Variants in RIMS2 observed in about 807,000 individuals in gnomAD.
The protein encoded by RIMS2 is regulating synaptic membrane exocytosis protein 2.
In RIMS2, 59 loss-of-function variants were observed where a neutral mutation model predicts 174.4. That is an observed-to-expected ratio of 0.34 (90% CI 0.27 to 0.42). RIMS2 has a LOEUF of 0.42. Ranked by LOEUF, RIMS2 falls within the 10% of genes least tolerant of loss-of-function variation. The pLI is 1.00. For synonymous variants in RIMS2, 606 were observed against 572.5 expected (o/e 1.06, Z -0.84); for missense variants, 1,620 against 1,666.3 (o/e 0.97, Z 0.48).
intron 3 of RIMS2, among the ~76,000 whole-genome samples, chr8:103,846,011 T>G (rs1035244766): frequency 6.6e-6 from 1 of 152,114 alleles, no homozygotes; most frequent in African/African-American, 2.4e-5. Flanking sequence ...ATTCTTAAAC[T>G]AGGCCTTTTG....
chr8:104,172,934 T>C (rs2098840636), intron 19 of RIMS2, among the ~76,000 whole-genome samples: 1 of 152,184 alleles, frequency 6.6e-6, no homozygotes, highest in Non-Finnish European at 1.5e-5. Flanking sequence ...GTACTCTAGC[T>C]ACGTGAATTA....
At chr8:104,234,950 G>C (rs1029393905) in intron 19 of RIMS2, among the ~76,000 whole-genome samples, 1 of 152,110 alleles carries the variant, frequency 6.6e-6, no homozygotes, top group Non-Finnish European at 1.5e-5. Flanking sequence ...CCAATTTTTC[G>C]TGTGGGTTGG....
At chr8:104,088,944 A>G (rs1353495378) in intron 19 of RIMS2, among the ~76,000 whole-genome samples, 1 of 151,960 alleles carries the variant, frequency 6.6e-6, no homozygotes, top group Non-Finnish European at 1.5e-5. Context: ...TTTCCAGGCC[A>G]CTTAGGAACT....
Position 103,793,981 on chromosome 8 carries a change from C to CA in RIMS2, c.698+27446dup, listed in dbSNP as rs1315156603. On this transcript the variant is annotated intron_variant, in intron 3 of 23. Transcript: ENST00000504942. ...TTCCATGCTCATGGATAGGAAGAAT[C>CA]AATATCGTGAAAATGGCCATACTGC... Among the ~76,000 whole-genome samples, 18 of 152,188 alleles carry CA rather than the reference C, an allele frequency of 1.2e-4. 1 individual carries two copies. The East Asian group carries it at 3.5e-3, about 29-fold the overall frequency.
At chr8:104,073,692 T>C (rs996356072) in intron 19 of RIMS2, among the ~76,000 whole-genome samples, 6 of 152,142 alleles carry the variant, frequency 3.9e-5, no homozygotes, top group African/African-American at 1.4e-4. Context: ...CAGAGGACAA[T>C]GTAATAAAAT....
chr8:103,987,254 A>G lies in RIMS2; in HGVS notation c.2928-2051A>G, dbSNP rs554319363. ...CAATCCTCTAGGCTCAGATACCGGG[A>G]CTATGTGCCTCTGTGCCCAGCTTAA... On this transcript the variant is annotated intron_variant, in intron 16 of 23. Transcript: ENST00000504942. Among the ~76,000 whole-genome samples, 6 of 152,080 alleles carry G rather than the reference A, an allele frequency of 3.9e-5. No individual in the cohort carries two copies. In the South Asian group the frequency reaches 1.2e-3, roughly 32 times the overall value.
chr8:103,585,714 A>C (rs775959305), intron 1 of RIMS2, among the ~76,000 whole-genome samples: 2 of 151,790 alleles, frequency 1.3e-5, no homozygotes, highest in Non-Finnish European at 2.9e-5. Flanking sequence ...AACGTCACAC[A>C]CTAGGGCCTG....
intron 6 of RIMS2, among the ~76,000 whole-genome samples, chr8:103,913,739 C>G (rs2076163280): frequency 6.6e-6 from 1 of 152,028 alleles, no homozygotes; most frequent in Admixed American, 6.6e-5. Flanking sequence ...ATGGCAAAAG[C>G]AGGAGCAAGA....
chr8:103,707,012 A>G (rs373081810), intron 2 of RIMS2, among the ~76,000 whole-genome samples: 4 of 152,118 alleles, frequency 2.6e-5, no homozygotes, highest in African/African-American at 7.2e-5. Flanking sequence ...CGAATTTTCA[A>G]ATAGCCTGTC....
chr8:104,014,839 T>A (rs970377298), intron 19 of RIMS2, among the ~76,000 whole-genome samples: 1 of 152,194 alleles, frequency 6.6e-6, no homozygotes, highest in Non-Finnish European at 1.5e-5. Context: ...CATTTTTAAA[T>A]TTGAATAAAT....
chr8:103,733,989 C>A (rs1186537477), intron 2 of RIMS2, among the ~76,000 whole-genome samples: 1 of 130,068 alleles, frequency 7.7e-6, no homozygotes. Context: ...ATGTGGCCAT[C>A]TTGCTTTACC....
chr8:103,880,962 TTA>T (rs1281665926), intron 3 of RIMS2, among the ~76,000 whole-genome samples: 1 of 151,486 alleles, frequency 6.6e-6, no homozygotes, highest in East Asian at 1.9e-4. Flanking sequence ...AAGTATTACA[TTA>T]GTTTATTTAG....
At chr8:103,629,155 G>T (rs1012536754) in intron 1 of RIMS2, among the ~76,000 whole-genome samples, 1 of 152,182 alleles carries the variant, frequency 6.6e-6, no homozygotes, top group Non-Finnish European at 1.5e-5. Flanking sequence ...ACTGGGTGCT[G>T]CAGCCAACAG....
At position 103,943,416 on chromosome 8, in the gene RIMS2, A is replaced by G. The variant is rs901761637; in HGVS notation, c.2701+490A>G. On this transcript the variant is annotated intron_variant, in intron 14 of 23. Coordinates refer to ENST00000504942, the Ensembl canonical transcript of RIMS2. ...ATTAATTCTTACACTTTAGAACTGTATGTCTTGTGGCAGATCCTCTCTCTA... is the reference window on the plus strand; with the variant it reads ...ATTAATTCTTACACTTTAGAACTGTGTGTCTTGTGGCAGATCCTCTCTCTA... 3.9e-5 allele frequency among the ~76,000 whole-genome samples: 6 copies of G among 152,270 alleles called. No homozygotes were observed. The East Asian group carries it at 1.2e-3, about 29-fold the overall frequency.
At chr8:104,207,517 AT>A (rs1374104531) in intron 19 of RIMS2, among the ~76,000 whole-genome samples, 6 of 152,216 alleles carry the variant, frequency 3.9e-5, no homozygotes, top group African/African-American at 1.4e-4. Flanking sequence ...CATAAAATAT[AT>A]TTGTGGGCCA....
intron 1 of RIMS2, among the ~76,000 whole-genome samples, chr8:103,549,811 G>T (rs1846856709): frequency 6.6e-6 from 1 of 151,976 alleles, no homozygotes; most frequent in Admixed American, 6.6e-5. Context: ...AAAAGGCAGG[G>T]GTTGCAATCC....
At chr8:104,244,359 T>G (rs1194786284) in intron 19 of RIMS2, among the ~76,000 whole-genome samples, 2 of 152,200 alleles carry the variant, frequency 1.3e-5, no homozygotes, top group Non-Finnish European at 2.9e-5. Context: ...CTAGGCTCTC[T>G]CCTTTGTGTA....
intron 19 of RIMS2, among the ~76,000 whole-genome samples, chr8:104,200,735 A>G (rs1403212238): frequency 2.6e-5 from 4 of 152,052 alleles, no homozygotes; most frequent in African/African-American, 7.2e-5. Context: ...GTGAAACCCA[A>G]TCTCTACAGA....
intron 19 of RIMS2, among the ~76,000 whole-genome samples, chr8:104,043,488 G>A (rs541152248): frequency 1.3e-5 from 2 of 151,690 alleles, no homozygotes; most frequent in African/African-American, 4.8e-5. Flanking sequence ...GGATGTCAAG[G>A]GTGGTTGGCA....
Sources: allele counts gnomAD v4.1 joint callset (sites outside exome capture counted in the v4.1 genomes callset), GRCh38; gene constraint gnomAD v4.1.1; transcripts MANE v1.5; gene names NCBI Gene and HGNC (gene_info 2026-07-23, HGNC 2026-07-21).